Variants in ZDHHC7 observed in about 807,000 individuals in gnomAD.
The protein encoded by ZDHHC7 is palmitoyltransferase ZDHHC7.
Under a neutral mutation model 34.1 loss-of-function variants are expected in ZDHHC7, and 12 were observed. The observed-to-expected ratio is 0.35, with a 90% CI of 0.23 to 0.57. The LOEUF (loss-of-function observed/expected upper bound fraction) is 0.57, where lower values mean the gene tolerates loss of function less well. ZDHHC7 is among the 20% of genes least tolerant of loss of function. ZDHHC7 has a pLI of 0.84. For synonymous variants in ZDHHC7, 185 were observed against 155.4 expected, an observed-to-expected ratio of 1.19 and a Z score of -1.42; for missense variants, 388 against 402.7, an observed-to-expected ratio of 0.96 and a Z score of 0.31.
At chr16:84,998,534 G>T (rs1031325886) in intron 1 of ZDHHC7, among the ~76,000 whole-genome samples, 1 of 152,106 alleles carries the variant, frequency 6.6e-6, no homozygotes, top group African/African-American at 2.4e-5. Context: ...CATATTCTGG[G>T]GTGCCTCCCG....
intron 1 of ZDHHC7, among the ~76,000 whole-genome samples, chr16:85,008,069 T>C (rs949370140): frequency 4.0e-5 from 6 of 151,756 alleles, no homozygotes; most frequent in Non-Finnish European, 8.8e-5. Context: ...TGAGCCATGA[T>C]TGTGCCACCG....
chr16:85,008,502 A>AG, intron 1 of ZDHHC7, among the ~76,000 whole-genome samples: 1 of 137,342 alleles, frequency 7.3e-6, no homozygotes, highest in African/African-American at 2.9e-5. Context: ...CACCACCTAC[A>AG]CCCCCCCCCA....
At chr16:84,982,713 G>A (rs2072386518) in intron 3 of ZDHHC7, among the ~76,000 whole-genome samples, 1 of 152,266 alleles carries the variant, frequency 6.6e-6, no homozygotes, top group African/African-American at 2.4e-5. Flanking sequence ...TGGCGGTCCA[G>A]ACCACCTGAC....
At chr16:85,004,472 T>C (rs1262962008) in intron 1 of ZDHHC7, among the ~76,000 whole-genome samples, 1 of 152,010 alleles carries the variant, frequency 6.6e-6, no homozygotes, top group African/African-American at 2.4e-5. Flanking sequence ...AATCAGATCA[T>C]GTCACTCCCC....
At chr16:85,002,018 TG>T (rs1214050695) in intron 1 of ZDHHC7, among the ~76,000 whole-genome samples, 1 of 152,008 alleles carries the variant, frequency 6.6e-6, no homozygotes, top group Non-Finnish European at 1.5e-5. Flanking sequence ...TGGGGACAGG[TG>T]GGCTCATGAA....
rs1363325594 is a variant in ZDHHC7, at chr16:84,997,625, T to C, written c.-103-1618A>G. Among the ~76,000 whole-genome samples the C allele has an allele frequency of 2.0e-5, 3 of 150,980 alleles. No individual in the cohort carries two copies. The East Asian group carries it at 6.0e-4, about 30-fold the overall frequency. ...AAGAGTAGAAATGGGCCAGGCACAGTGGCTCACGCCTGTAACCCCAGCACT... is the reference window on the plus strand; with the variant it reads ...AAGAGTAGAAATGGGCCAGGCACAGCGGCTCACGCCTGTAACCCCAGCACT... On this transcript the variant is annotated intron_variant, in intron 1 of 7. Transcript: ENST00000313732.
At chr16:85,000,847 T>G (rs1451369594) in intron 1 of ZDHHC7, among the ~76,000 whole-genome samples, 2 of 152,162 alleles carry the variant, frequency 1.3e-5, no homozygotes, top group African/African-American at 4.8e-5. Context: ...GAGGATCCAA[T>G]GTGCAAAGTG....
At chr16:85,022,053 A>G in the ZDHHC7 span, among the ~76,000 whole-genome samples, 1 of 151,500 alleles carries the variant, frequency 6.6e-6, no homozygotes, top group African/African-American at 2.4e-5. Context: ...CCAGCTACTC[A>G]GGAGGCTGAG....
chr16:84,981,513 C>G (rs772797096), intron 4 of ZDHHC7, among the ~76,000 whole-genome samples: 2 of 152,204 alleles, frequency 1.3e-5, no homozygotes, highest in Non-Finnish European at 2.9e-5. Context: ...GGCCCCCACA[C>G]AGGATGTGCC....
At position 84,994,087 on chromosome 16, in the gene ZDHHC7, C is replaced by T. The variant is rs111454232; in HGVS notation, c.-18+1835G>A. ...CTGGGCACGCTCACCAGCTCTCCCT[C>T]CCAGGTACTTACCACTTGCTACCTG... On this transcript the variant is annotated intron_variant, in intron 2 of 7. Transcript: ENST00000313732. Among the ~76,000 whole-genome samples, 522 of 152,356 alleles carry T rather than the reference C, an allele frequency of 3.4e-3. 2 individuals are homozygous for T. The highest frequency in any genetic ancestry group is 0.012 in the African/African-American group (485 of 41,592).
chr16:84,999,076 G>C (rs535646585), intron 1 of ZDHHC7, among the ~76,000 whole-genome samples: 1 of 152,116 alleles, frequency 6.6e-6, no homozygotes, highest in African/African-American at 2.4e-5. Context: ...TTTATATATA[G>C]TAACTTTATT....
chr16:85,015,708 G>C (rs2072831327), upstream of ZDHHC7, among the ~76,000 whole-genome samples: 1 of 151,990 alleles, frequency 6.6e-6, no homozygotes, highest in African/African-American at 2.4e-5. Context: ...GGCTGGGCGT[G>C]GTGGCGTATC....
At chr16:85,024,388 T>C in the ZDHHC7 span, among the ~76,000 whole-genome samples, 6 of 151,362 alleles carry the variant, frequency 4.0e-5, no homozygotes, top group Admixed American at 6.6e-5. Context: ...CGCGCCACCA[T>C]GCCCAGCTAA....
At chr16:85,007,878 T>G (rs528489211) in intron 1 of ZDHHC7, among the ~76,000 whole-genome samples, 2 of 152,132 alleles carry the variant, frequency 1.3e-5, no homozygotes, top group East Asian at 3.9e-4. Flanking sequence ...ATAACATGCC[T>G]CCGGGCGGCC....
At chr16:85,020,254 C>G in the ZDHHC7 span, among the ~76,000 whole-genome samples, 19 of 152,318 alleles carry the variant, frequency 1.2e-4, 1 homozygote, top group Middle Eastern at 6.8e-3. Flanking sequence ...TAACCCAGTC[C>G]TCATCTTGTC....
chr16:85,006,817 G>A (rs776312019), intron 1 of ZDHHC7, among the ~76,000 whole-genome samples: 5 of 152,082 alleles, frequency 3.3e-5, no homozygotes, highest in Non-Finnish European at 5.9e-5. Context: ...AAACCTTCTG[G>A]CTCTCCCAAC....
Position 85,011,456 on chromosome 16 carries a change from G to T in ZDHHC7, c.-274C>A, listed in dbSNP as rs1274680633. On this transcript the variant is annotated 5_prime_UTR_variant, in exon 1 of 8. Transcript: ENST00000313732. ...TGGTCCCCTGGGTCCCGCCGGGCAGGTCGGAAGGAGGCTGCAGCCAAGCAA... is the reference window on the plus strand; with the variant it reads ...TGGTCCCCTGGGTCCCGCCGGGCAGTTCGGAAGGAGGCTGCAGCCAAGCAA... 6.6e-6 allele frequency: 1 copy of T among 152,172 alleles called. No homozygotes were observed. Among genetic ancestry groups the T allele is most frequent in the Non-Finnish European group, 1.5e-5 (1 of 67,906 alleles). 9.4% of individuals were successfully genotyped at this position (152,172 alleles called of 1,614,324 possible).
chr16:84,995,716 A>T (rs2072568461), intron 2 of ZDHHC7, among the ~76,000 whole-genome samples: 1 of 152,222 alleles, frequency 6.6e-6, no homozygotes, highest in Non-Finnish European at 1.5e-5. Flanking sequence ...CCAAGAACTC[A>T]TCAATTCAAT....
At chr16:85,021,135 G>T in the ZDHHC7 span, among the ~76,000 whole-genome samples, 3 of 151,178 alleles carry the variant, frequency 2.0e-5, no homozygotes, top group African/African-American at 7.3e-5. Flanking sequence ...AAAAGGGGGG[G>T]GTGCACAGTG....
Sources: gnomAD v4.1 joint callset for allele counts (sites outside exome capture counted in the v4.1 genomes callset) on GRCh38, gnomAD v4.1.1 for gene constraint, MANE v1.5 for transcripts, NCBI Gene and HGNC (gene_info 2026-07-23, HGNC 2026-07-21) for gene names.